The following CSMD2 variants were observed in gnomAD, a reference collection of about 807,000 sequenced individuals.
CSMD2 encodes CUB and Sushi multiple domains 2, also known as CUB and sushi domain-containing protein 2.
A neutral mutation model predicts 398.5 loss-of-function variants in CSMD2; 130 were observed. That is an observed-to-expected ratio of 0.33 (90% CI 0.28 to 0.38). The LOEUF (loss-of-function observed/expected upper bound fraction) is 0.38, where lower values mean the gene tolerates loss of function less well. CSMD2 is among the 10% of genes least tolerant of loss of function. The probability of loss-of-function intolerance (pLI) is 1.00; values close to 1 mark genes in which losing one functional copy is unlikely to be tolerated. For missense variants in CSMD2, 3,829 were observed against 4,764.9 expected, an observed-to-expected ratio of 0.80 and a Z score of 5.78; for synonymous variants, 1,828 against 1,908.5, an observed-to-expected ratio of 0.96 and a Z score of 1.10.
intron 3 of CSMD2, among the ~76,000 whole-genome samples, chr1:33,963,940 G>A (rs565376500): frequency 6.6e-6 from 1 of 152,350 alleles, no homozygotes; most frequent in African/African-American, 2.4e-5. Context: ...TAGAATGGCT[G>A]TGTCAGATGG....
chr1:34,018,118 A>G (rs1648385613), intron 3 of CSMD2, among the ~76,000 whole-genome samples: 2 of 152,200 alleles, frequency 1.3e-5, no homozygotes, highest in African/African-American at 4.8e-5. Flanking sequence ...TGTTCATATA[A>G]GACCTACTTT....
intron 19 of CSMD2, among the ~76,000 whole-genome samples, chr1:33,717,709 A>C (rs1469597273): frequency 6.6e-6 from 1 of 151,342 alleles, no homozygotes; most frequent in Non-Finnish European, 1.5e-5. Context: ...AAGCAAGGAG[A>C]AGAGGGCTAG....
chr1:33,976,077 C>G (rs141111848), intron 3 of CSMD2, among the ~76,000 whole-genome samples: 25 of 152,304 alleles, frequency 1.6e-4, no homozygotes, highest in Non-Finnish European at 2.5e-4. Context: ...ATTCCCAACC[C>G]TTCGATGCTG....
In CSMD2 at chr1:33,559,562, A is replaced by T; in HGVS notation, c.8381-89T>A. Reference sequence around the variant, plus strand: ...CCTCTCACCTGGCATCTCTTAGGCCATCAGTGAAGTTCAGCCCTAAGTCTA... The same window carrying T: ...CCTCTCACCTGGCATCTCTTAGGCCTTCAGTGAAGTTCAGCCCTAAGTCTA... On this transcript the variant is annotated intron_variant, in intron 53 of 70. Coordinates refer to ENST00000373381, the MANE Select transcript of CSMD2 (RefSeq NM_001281956.2). The surrounding 1 kb of genome is among the most constrained non-coding windows in gnomAD (Gnocchi z 4.0). 8.3e-7 allele frequency: 1 copy of T among 1,201,442 alleles called. No homozygotes were observed. Among genetic ancestry groups the T allele is most frequent in the Admixed American group, 2.1e-5 (1 of 47,282 alleles). The allele number at this position is 1,201,442 out of a possible 1,614,324, so 74.4% of individuals were successfully genotyped here.
chr1:33,780,542 A>G (rs1354606891), intron 12 of CSMD2, among the ~76,000 whole-genome samples: 2 of 152,360 alleles, frequency 1.3e-5, no homozygotes, highest in East Asian at 1.9e-4. Context: ...GAAACAAAGG[A>G]CATGGAGGTA....
At chr1:34,048,018 C>G (rs569391019) in intron 2 of CSMD2, among the ~76,000 whole-genome samples, 1 of 152,312 alleles carries the variant, frequency 6.6e-6, no homozygotes, top group Admixed American at 6.5e-5. Flanking sequence ...TCCACAGAAG[C>G]CTGAAAACCC....
At chr1:34,135,242 T>TCA (rs66898227) in intron 1 of CSMD2, among the ~76,000 whole-genome samples, 4,796 of 135,400 alleles carry the variant, frequency 0.035, 127 homozygotes, top group African/African-American at 0.068. Context: ...CATGTTGAAA[T>TCA]CACACACACA....
rs1158276329 is a variant in CSMD2, at chr1:33,569,488, C to T, written c.8017G>A (p.Val2673Ile). 3.1e-6 allele frequency: 5 copies of T among 1,614,186 alleles called. No homozygotes were observed. Among genetic ancestry groups the T allele is most frequent in the Non-Finnish European group, 3.4e-6 (4 of 1,180,040 alleles). The change falls in exon 52 of 71, where the codon GTC becomes ATC. Residue 2673 changes from valine (V) to isoleucine (I), a missense_variant. Val to Ile is a conservative substitution (Grantham distance 29, BLOSUM62 3). Transcript: ENST00000373381. The stretch of plus-strand genomic sequence containing the variant: ...GAGAAGATGGCTGTTGCCCCGTAGA[C>T]AGACAGTGTTCCGATGCGGTGGCCA... ...PNGHRIGTLS[V>I]YGATAIFSCN...
Position 33,835,446 on chromosome 1 carries a change from G to C in CSMD2, c.1034-9672C>G, listed in dbSNP as rs1357929490. On this transcript the variant is annotated intron_variant, in intron 6 of 70. Coordinates refer to ENST00000373381, the MANE Select transcript of CSMD2 (RefSeq NM_001281956.2). ...GTATTCTCACTCATAGTGGGGAACT[G>C]AACAATGAGATCACATGGACACAGG... 4.2e-5 allele frequency among the ~76,000 whole-genome samples: 2 copies of C among 48,128 alleles called. 1 individual carries two copies. Among genetic ancestry groups the C allele is most frequent in the Admixed American group, 6.1e-4 (2 of 3,278 alleles). The allele number at this position is 48,128 out of a possible 152,430, so 31.6% of individuals were successfully genotyped here.
intron 3 of CSMD2, among the ~76,000 whole-genome samples, chr1:33,959,035 C>T (rs1183928308): frequency 6.6e-6 from 1 of 152,148 alleles, no homozygotes; most frequent in East Asian, 1.9e-4. Flanking sequence ...CACAGGTGCC[C>T]AGTAAAGGTG....
intron 1 of CSMD2, among the ~76,000 whole-genome samples, chr1:34,109,255 T>C (rs1446843406): frequency 2.0e-5 from 3 of 152,088 alleles, no homozygotes; most frequent in Non-Finnish European, 2.9e-5. Context: ...AAGGAAAGGG[T>C]TTTGTGTTTT....
Position 33,900,983 on chromosome 1 carries a change from G to A in CSMD2, c.920+17111C>T, listed in dbSNP as rs578165502. On this transcript the variant is annotated intron_variant, in intron 5 of 70. Transcript: ENST00000373381. ...GTGAGAAATGATCCTGGAGTGGCTGGCCTAGGATCTGCAGAGGGAACAAAA... is the reference window on the plus strand; with the variant it reads ...GTGAGAAATGATCCTGGAGTGGCTGACCTAGGATCTGCAGAGGGAACAAAA... Among the ~76,000 whole-genome samples, 156 of 152,292 alleles carry A rather than the reference G, an allele frequency of 1.0e-3. 1 individual carries two copies. The highest frequency in any genetic ancestry group is 3.5e-3 in the African/African-American group (146 of 41,552).
intron 3 of CSMD2, among the ~76,000 whole-genome samples, chr1:34,012,534 C>T (rs1262755873): frequency 5.9e-5 from 9 of 152,116 alleles, no homozygotes. Flanking sequence ...CTCTGCCTCC[C>T]AGGTTCAAGT....
chr1:33,636,640 C>T lies in CSMD2; in HGVS notation c.4775-86G>A. On this transcript the variant is annotated intron_variant, in intron 29 of 70. Coordinates refer to ENST00000373381, the MANE Select transcript of CSMD2 (RefSeq NM_001281956.2). This position sits in a 1 kb window ranked among gnomAD's most constrained non-coding sequence, Gnocchi z 4.8. ...TGGGCTCCAGTGCCCATGAGGAGAA[C>T]CCGACTTTAATTAGCCACAGAGCAC... The T allele has an allele frequency of 8.6e-7, 1 of 1,168,700 alleles. No individual in the cohort carries two copies. Among genetic ancestry groups the T allele is most frequent in the Middle Eastern group, 2.0e-4 (1 of 5,064 alleles). 72.4% of individuals were successfully genotyped at this position (1,168,700 alleles called of 1,614,324 possible). A position where few individuals can be genotyped will look rare whatever the true frequency, so the allele number is the denominator to read the frequency against.
chr1:33,781,078 C>T (rs1385558786), intron 12 of CSMD2, among the ~76,000 whole-genome samples: 1 of 152,164 alleles, frequency 6.6e-6, no homozygotes, highest in Non-Finnish European at 1.5e-5. Context: ...CAGTGCCCAC[C>T]ACTGGAGTGA....
intron 28 of CSMD2, among the ~76,000 whole-genome samples, chr1:33,648,496 A>G (rs1643583190): frequency 6.6e-6 from 1 of 152,224 alleles, no homozygotes; most frequent in Non-Finnish European, 1.5e-5. Context: ...AAGCACAATC[A>G]AAGCAATGGC....
At chr1:33,881,552 G>C (rs2125174921) in intron 5 of CSMD2, among the ~76,000 whole-genome samples, 1 of 152,210 alleles carries the variant, frequency 6.6e-6, no homozygotes, top group East Asian at 1.9e-4. Context: ...AAAGCAAGGT[G>C]CAAGGGAGGG....
chr1:33,658,980 A>C (rs936499783), intron 26 of CSMD2, among the ~76,000 whole-genome samples: 1 of 152,216 alleles, frequency 6.6e-6, no homozygotes, highest in African/African-American at 2.4e-5. Context: ...GAGTTACTGA[A>C]GTTAGGTCAA....
At chr1:33,716,849 T>C (rs190167178) in intron 19 of CSMD2, among the ~76,000 whole-genome samples, 1 of 152,310 alleles carries the variant, frequency 6.6e-6, no homozygotes, top group East Asian at 1.9e-4. Context: ...TGTGTATTTG[T>C]TGAGTCTTTA....
Sources: allele counts gnomAD v4.1 joint callset (sites outside exome capture counted in the v4.1 genomes callset), GRCh38; gene constraint gnomAD v4.1.1; non-coding constraint Gnocchi (gnomAD v3.1); transcripts MANE v1.5; gene names NCBI Gene and HGNC (gene_info 2026-07-23, HGNC 2026-07-21).